The following SEC16A variants were observed in gnomAD, a reference collection of about 807,000 sequenced individuals.
The protein encoded by SEC16A is protein transport protein Sec16A.
Under a neutral mutation model 221.9 loss-of-function variants are expected in SEC16A, and 110 were observed. That is an observed-to-expected ratio of 0.50 (90% CI 0.42 to 0.58). SEC16A has a LOEUF of 0.58. Ranked by LOEUF, SEC16A falls within the 20% of genes least tolerant of loss-of-function variation. The pLI, the probability that SEC16A is intolerant of heterozygous loss-of-function variation, is 0.00. For synonymous variants in SEC16A, 1,393 were observed against 1,257.7 expected, an observed-to-expected ratio of 1.11 and a Z score of -2.28; for missense variants, 3,165 against 3,097.8, an observed-to-expected ratio of 1.02 and a Z score of -0.52.
chr9:136,451,152 G>A (rs1837736805), intron 23 of SEC16A, 104 bp downstream of exon 23: 4 of 1,178,982 alleles, frequency 3.4e-6, no homozygotes, highest in Admixed American at 2.2e-5. Flanking sequence ...TGTATCAGGA[G>A]GCTATTTGCA....
chr9:136,469,972 G>A (rs1394129419), intron 4 of SEC16A, among the ~76,000 whole-genome samples: 8 of 152,216 alleles, frequency 5.3e-5, no homozygotes, highest in Admixed American at 3.3e-4. Context: ...AGGAGCCGCC[G>A]TGTCCTCAGC....
intron 4 of SEC16A, among the ~76,000 whole-genome samples, chr9:136,468,851 G>A (rs543780694): frequency 6.6e-6 from 1 of 152,234 alleles, no homozygotes; most frequent in African/African-American, 2.4e-5. Flanking sequence ...AATGGACTGA[G>A]CTTTCTTTTT....
chr9:136,454,609 G>A lies in SEC16A; in HGVS notation c.5858-282C>T, dbSNP rs151308241. Among the ~76,000 whole-genome samples, 211 of 152,258 alleles carry A rather than the reference G, an allele frequency of 1.4e-3. 1 individual carries two copies. The highest frequency in any genetic ancestry group is 6.8e-3 in the Middle Eastern group (2 of 294). ...CCCGGCCCACACGCAAGCCCATGGC[G>A]GCCGCCTGGCACAGAGCTCTGCTAG... On this transcript the variant is annotated intron_variant, in intron 20 of 31. Transcript: ENST00000684901.
chr9:136,475,103 T>C lies in SEC16A; in HGVS notation c.2513A>G (p.Asn838Ser). ...AGAAAAGTTAATGGGCTGAGCCAGA[T>C]TATAGCTGTGATCAGGCTGAGCAAT... Reference protein sequence around the residue: ...VLIAQPDHSYNLAQPINFSVS... With the variant: ...VLIAQPDHSYSLAQPINFSVS... The change falls in exon 3 of 32, where the codon AAT becomes AGT. Residue 838 changes from asparagine to serine, a missense_variant. By Grantham distance (46) the Asn-to-Ser change is conservative. Coordinates refer to ENST00000684901, the MANE Select transcript of SEC16A (RefSeq NM_014866.2). This position sits in a 1 kb window ranked among gnomAD's most constrained non-coding sequence, Gnocchi z 5.0. The C allele has an allele frequency of 1.2e-6, 2 of 1,613,760 alleles. No homozygotes were observed. Among genetic ancestry groups the C allele is most frequent in the Non-Finnish European group, 1.7e-6 (2 of 1,179,824 alleles).
Position 136,472,058 on chromosome 9 carries a change from A to C in SEC16A, c.3621T>G (p.Ser1207=), listed in dbSNP as rs1322643086. 1 of 1,613,622 alleles carries C rather than the reference A, an allele frequency of 6.2e-7. No homozygotes were observed. Among genetic ancestry groups the C allele is most frequent in the Non-Finnish European group, 8.5e-7 (1 of 1,179,898 alleles). Residue 1207 remains serine, a synonymous_variant, in exon 4 of 32, where the codon TCT becomes TCG. Transcript: ENST00000684901. ...GATAGCGGTAGTTCTGGGCGTAAGCAGACGCAGCACCATCATAGGGCCTGT... is the reference window on the plus strand; with the variant it reads ...GATAGCGGTAGTTCTGGGCGTAAGCCGACGCAGCACCATCATAGGGCCTGT... The part of the protein sequence containing the change: ...PRYRPYDGAA[S]AYAQNYRYPE...
chr9:136,476,262 T>C lies in SEC16A; in HGVS notation c.1354A>G (p.Ser452Gly), dbSNP rs758274068. The C allele has an allele frequency of 1.2e-6, 2 of 1,613,388 alleles. No homozygotes were observed. Among genetic ancestry groups the C allele is most frequent in the South Asian group, 1.1e-5 (1 of 91,082 alleles). ...DTASTGVPDA[S>G]GSQYENVENL... ...TCAACATTCTCATACTGCGAGCCGCTGGCATCCGGCACCCCTGTGCTCGCT... is the reference window on the plus strand; with the variant it reads ...TCAACATTCTCATACTGCGAGCCGCCGGCATCCGGCACCCCTGTGCTCGCT... The change falls in exon 3 of 32, where the codon AGC becomes GGC. Residue 452 changes from serine to glycine, a missense_variant. Physicochemically the swap from Ser to Gly is moderately conservative, Grantham distance 56. Transcript: ENST00000684901.
chr9:136,476,285 G>C lies in SEC16A; in HGVS notation c.1331C>G (p.Ala444Gly). Residue 444 changes from alanine (A) to glycine (G), a missense_variant, in exon 3 of 32, where the codon GCG becomes GGG. Coordinates refer to ENST00000684901, the MANE Select transcript of SEC16A (RefSeq NM_014866.2). ...EAAGDVWGDT[A>G]STGVPDASGS... ...GCTGGCATCCGGCACCCCTGTGCTC[G>C]CTGTGTCACCCCACACATCACCAGC... The C allele has an allele frequency of 6.2e-7, 1 of 1,613,146 alleles. No homozygotes were observed. The highest frequency in any genetic ancestry group is 8.5e-7 in the Non-Finnish European group (1 of 1,179,850).
chr9:136,451,553 G>A, intron 22 of SEC16A, 145 bp from the exon 23 acceptor site: 11 of 977,816 alleles, frequency 1.1e-5, no homozygotes, highest in South Asian at 5.4e-5. Context: ...AGGCAGGAAG[G>A]GGGCTGGGGA....
chr9:136,468,424 C>T lies in SEC16A; in HGVS notation c.3793G>A (p.Asp1265Asn), dbSNP rs199951815. Residue 1265 changes from aspartate (D) to asparagine (N), a missense_variant, in exon 5 of 32, where the codon GAT becomes AAT. By Grantham distance (23) the Asp-to-Asn change is conservative (BLOSUM62 1). This residue lies in a region of SEC16A where 2,030 missense variants were observed against 1,923.1 expected (regional missense o/e 1.06). Transcript: ENST00000684901. ...YYASYYSSQY[D>N]YGDPGHWDRY... ...GAGTTCCTTGACATACCTCCATAAT[C>T]GTACTGGCTGGAGTAATAGCTTGCA... 2.4e-5 allele frequency: 38 copies of T among 1,609,044 alleles called. No individual in the cohort carries two copies. The highest frequency in any genetic ancestry group is 2.7e-5 in the Non-Finnish European group (32 of 1,175,762).
chr9:136,460,030 A>G lies in SEC16A; in HGVS notation c.5073+12T>C. On this transcript the variant is annotated intron_variant, in intron 14 of 31. Transcript: ENST00000684901. ...GTGGAGCCTGTGCAAGCCACCAGGCAGTGCCACTCACCGTGGACGCGGCAG... is the reference window on the plus strand; with the variant it reads ...GTGGAGCCTGTGCAAGCCACCAGGCGGTGCCACTCACCGTGGACGCGGCAG... 6.3e-7 allele frequency: 1 copy of G among 1,595,788 alleles called. No individual in the cohort carries two copies. Among genetic ancestry groups the G allele is most frequent in the African/African-American group, 1.3e-5 (1 of 74,708 alleles).
chr9:136,473,973 G>T, intron 3 of SEC16A, 76 bp downstream of exon 3: 1 of 1,457,058 alleles, frequency 6.9e-7, no homozygotes, highest in Non-Finnish European at 9.3e-7. Flanking sequence ...CACTACTAAG[G>T]AATACACTGT....
At chr9:136,446,994 C>T in intron 27 of SEC16A, 45 bp from the exon 28 acceptor site, 3 of 1,612,616 alleles carry the variant, frequency 1.9e-6, no homozygotes, top group East Asian at 2.2e-5. Flanking sequence ...TCCCGAACGT[C>T]CCTGGGGTCT....
At chr9:136,457,755 A>C (rs1412486912) in intron 17 of SEC16A, among the ~76,000 whole-genome samples, 171 bp from the exon 18 acceptor site, 1 of 151,752 alleles carries the variant, frequency 6.6e-6, no homozygotes, top group East Asian at 1.9e-4. Context: ...ACGCCCGCTG[A>C]CCACAGTCCT....
chr9:136,471,815 A>G (rs1840909350), intron 4 of SEC16A, among the ~76,000 whole-genome samples, 160 bp downstream of exon 4: 1 of 152,246 alleles, frequency 6.6e-6, no homozygotes, highest in Non-Finnish European at 1.5e-5. Context: ...CACACCCTAC[A>G]ATTTGTCCAT....
chr9:136,481,561 T>C (rs1564553526), intron 1 of SEC16A, among the ~76,000 whole-genome samples: 3 of 152,228 alleles, frequency 2.0e-5, no homozygotes, highest in African/African-American at 7.2e-5. Flanking sequence ...TGTAACCATG[T>C]GGATACCTAA....
Position 136,459,450 on chromosome 9 carries a change from T to C in SEC16A, c.5297A>G (p.Asn1766Ser), listed in dbSNP as rs753523902. 5.0e-6 allele frequency: 8 copies of C among 1,601,384 alleles called. No homozygotes were observed. In the Admixed American group the frequency reaches 5.2e-5, roughly 10 times the overall value. The change falls in exon 16 of 32, where the codon AAT becomes AGT. Residue 1766 changes from asparagine (N) to serine (S), a missense_variant. By Grantham distance (46) the Asn-to-Ser change is conservative. Coordinates refer to ENST00000684901, the MANE Select transcript of SEC16A (RefSeq NM_014866.2). This position sits in a 1 kb window ranked among gnomAD's most constrained non-coding sequence, Gnocchi z 6.1. ...CACTGACTTGGTTCTTTACCTGTGA[T>C]TGGATCCGATTAAGACAAGCTTTGT... is the stretch of plus-strand genomic sequence containing the variant. ...KTTKLVLIGS[N>S]HSLPFLKFAT... is the part of the protein sequence containing the mutation.
intron 23 of SEC16A, among the ~76,000 whole-genome samples, chr9:136,449,325 A>G (rs970785766): frequency 1.3e-5 from 2 of 152,220 alleles, no homozygotes; most frequent in African/African-American, 4.8e-5. Flanking sequence ...ATCTCGGCGC[A>G]CTGCAACCTC....
chr9:136,443,125 T>C (rs1836435728), intron 31 of SEC16A, among the ~76,000 whole-genome samples: 1 of 152,126 alleles, frequency 6.6e-6, no homozygotes, highest in Admixed American at 6.5e-5. Flanking sequence ...GTGGCAGAGC[T>C]GGGGGCTGAA....
chr9:136,458,710 C>T (rs1839063348), intron 17 of SEC16A, among the ~76,000 whole-genome samples: 1 of 151,614 alleles, frequency 6.6e-6, no homozygotes, highest in African/African-American at 2.4e-5. Context: ...GAGAGGATGA[C>T]TGCTTGAGCC....
Sources: gnomAD v4.1 joint callset for allele counts (sites outside exome capture counted in the v4.1 genomes callset) on GRCh38, gnomAD v4.1.1 for gene constraint, gnomAD v4.1.1 regional missense constraint, Gnocchi (gnomAD v3.1) non-coding constraint, MANE v1.5 for transcripts, NCBI Gene and HGNC (gene_info 2026-07-23, HGNC 2026-07-21) for gene names.